The following MYO1D variants were observed in gnomAD, a reference collection of about 807,000 sequenced individuals.
The protein encoded by MYO1D is unconventional myosin-Id.
In MYO1D, 83 loss-of-function variants were observed where a neutral mutation model predicts 122.0. The ratio of observed to expected loss-of-function variants is 0.68; its 90% confidence interval spans 0.57 to 0.82. The LOEUF is 0.82. MYO1D is among the 40% of genes least tolerant of loss of function. MYO1D has a pLI of 0.00. For synonymous variants in MYO1D, 464 were observed against 446.9 expected (o/e 1.04, Z -0.48); for missense variants, 1,157 against 1,269.5 (o/e 0.91, Z 1.35).
chr17:32,596,221 G>A (rs1036257667), intron 21 of MYO1D, among the ~76,000 whole-genome samples: 1 of 152,174 alleles, frequency 6.6e-6, no homozygotes, highest in Non-Finnish European at 1.5e-5. Flanking sequence ...TTTTGCTTAT[G>A]GAATATAAAC....
At chr17:32,619,797 T>C (rs2150924644) in intron 20 of MYO1D, among the ~76,000 whole-genome samples, 1 of 152,316 alleles carries the variant, frequency 6.6e-6, no homozygotes, top group Non-Finnish European at 1.5e-5. Flanking sequence ...AGTCTTTAAT[T>C]GAATTTTTTT....
Position 32,624,352 on chromosome 17 carries a change from G to A in MYO1D, c.2709+14370C>T, listed in dbSNP as rs112430849. ...TAGGTGTTAACCATTGCGCCCGGCC[G>A]GCCTGGGGAGCTTTAATGCTTGCTG... is the stretch of plus-strand genomic sequence containing the variant. On this transcript the variant is annotated intron_variant, in intron 20 of 21. Transcript: ENST00000318217. Among the ~76,000 whole-genome samples the A allele has an allele frequency of 8.8e-4, 134 of 151,596 alleles. 1 individual carries two copies. Among genetic ancestry groups the A allele is most frequent in the African/African-American group, 2.8e-3 (116 of 41,304 alleles).
At chr17:32,748,848 T>C in intron 12 of MYO1D, 88 bp downstream of exon 12, 3 of 1,252,764 alleles carry the variant, frequency 2.4e-6, no homozygotes, top group Non-Finnish European at 3.5e-6. Flanking sequence ...TGCAAATGAA[T>C]ATAAAACCAA....
Position 32,659,224 on chromosome 17 carries a change from G to A in MYO1D, c.2236C>T (p.Arg746Cys), listed in dbSNP as rs2088519562. The A allele has an allele frequency of 1.9e-6, 3 of 1,614,084 alleles. No homozygotes were observed. Among genetic ancestry groups the A allele is most frequent in the Middle Eastern group, 1.6e-4 (1 of 6,084 alleles). Residue 746 changes from arginine to cysteine, a missense_variant, in exon 17 of 22, where the codon CGC becomes TGC. Physicochemically the swap from Arg to Cys is radical, Grantham distance 180. Coordinates refer to ENST00000318217, the MANE Select transcript of MYO1D (RefSeq NM_015194.3). ...VKSYIHEVAR[R>C]FHGVKTMRDY... is the part of the protein sequence containing the mutation. The stretch of plus-strand genomic sequence containing the variant: ...CGCATGGTCTTGACGCCATGGAAGC[G>A]TCTGGCCACCTCGTGGATGTACGAC...
At position 32,579,750 on chromosome 17, in the gene MYO1D, A is replaced by C. The variant is rs186439743; in HGVS notation, c.2864+25337T>G. 2.4e-3 allele frequency among the ~76,000 whole-genome samples: 368 copies of C among 152,302 alleles called. 1 individual carries two copies. The highest frequency in any genetic ancestry group is 8.1e-3 in the South Asian group (39 of 4,824). On this transcript the variant is annotated intron_variant, in intron 21 of 21. Coordinates refer to ENST00000318217, the MANE Select transcript of MYO1D (RefSeq NM_015194.3). The stretch of plus-strand genomic sequence containing the variant: ...TTCTAGAGTTGTATATAAATGGATA[A>C]ACTTTTCAGGTTGGCTTCTTTCACC...
rs183178974 is a variant in MYO1D, at chr17:32,695,228, G to A, written c.2121+16760C>T. On this transcript the variant is annotated intron_variant, in intron 16 of 21. Coordinates refer to ENST00000318217, the MANE Select transcript of MYO1D (RefSeq NM_015194.3). ...CAGGCATTAGATTCTCATAAAGAGC[G>A]CACAGCCTAGATCCCTTGCATGCGC... is the stretch of plus-strand genomic sequence containing the variant. Among the ~76,000 whole-genome samples, 19 of 152,288 alleles carry A rather than the reference G, an allele frequency of 1.2e-4. No homozygotes were observed. The East Asian group carries it at 2.5e-3, about 20-fold the overall frequency.
At chr17:32,697,478 G>T (rs928642721) in intron 16 of MYO1D, among the ~76,000 whole-genome samples, 1 of 152,046 alleles carries the variant, frequency 6.6e-6, no homozygotes, top group African/African-American at 2.4e-5. Flanking sequence ...ACTAGCATTG[G>T]GGGCAACCTC....
At chr17:32,752,686 T>C (rs761835263) in intron 11 of MYO1D, among the ~76,000 whole-genome samples, 14 of 152,210 alleles carry the variant, frequency 9.2e-5, no homozygotes, top group South Asian at 4.1e-4. Context: ...ACATCACTAA[T>C]CATCAGAGAA....
intron 10 of MYO1D, chr17:32,756,082 G>C (rs981098688): frequency 4.3e-5 from 9 of 208,322 alleles, no homozygotes; most frequent in African/African-American, 2.1e-4. Context: ...TCATAATAAA[G>C]TTAAGGTACT....
At chr17:32,653,796 G>C (rs773377962) in intron 19 of MYO1D, 47 bp downstream of exon 19, 3 of 1,509,926 alleles carry the variant, frequency 2.0e-6, no homozygotes, top group East Asian at 4.5e-5. Flanking sequence ...AGTTTCATCT[G>C]AATCAGTCTT....
At chr17:32,831,289 G>A (rs1353750224) in intron 1 of MYO1D, among the ~76,000 whole-genome samples, 1 of 152,190 alleles carries the variant, frequency 6.6e-6, no homozygotes, top group Admixed American at 6.5e-5. Context: ...GGAGGAGAAA[G>A]AAACAGCTTT....
chr17:32,811,454 G>A (rs2090571163), intron 1 of MYO1D, among the ~76,000 whole-genome samples: 1 of 152,154 alleles, frequency 6.6e-6, no homozygotes, highest in African/African-American at 2.4e-5. Context: ...CTTGGTCTGA[G>A]TTGATTTTCT....
At chr17:32,651,716 AC>A (rs1385644190) in intron 19 of MYO1D, among the ~76,000 whole-genome samples, 1 of 125,616 alleles carries the variant, frequency 8.0e-6, no homozygotes. Flanking sequence ...TTGTTCTGTC[AC>A]CCAGCTGGAG....
chr17:32,698,809 T>A (rs1331242605), intron 16 of MYO1D, among the ~76,000 whole-genome samples: 1 of 152,102 alleles, frequency 6.6e-6, no homozygotes, highest in African/African-American at 2.4e-5. Context: ...AGATCTTTCT[T>A]GTGATAAGGG....
chr17:32,526,116 T>C (rs1356455039), intron 21 of MYO1D, among the ~76,000 whole-genome samples: 1 of 152,216 alleles, frequency 6.6e-6, no homozygotes, highest in East Asian at 1.9e-4. Context: ...CTTTGACGTA[T>C]ATCCCCTATT....
At chr17:32,621,048 T>C (rs1006528828) in intron 20 of MYO1D, among the ~76,000 whole-genome samples, 5 of 152,190 alleles carry the variant, frequency 3.3e-5, no homozygotes, top group African/African-American at 1.2e-4. Context: ...TCATTTATGT[T>C]TCCTATAAAT....
chr17:32,766,810 C>CAAA (rs2090063902), intron 7 of MYO1D, among the ~76,000 whole-genome samples: 2 of 20,398 alleles, frequency 9.8e-5, no homozygotes, highest in South Asian at 2.3e-3. Flanking sequence ...AACAAAACAA[C>CAAA]AAAAAATAAA....
chr17:32,671,226 T>C (rs776122172), intron 16 of MYO1D, among the ~76,000 whole-genome samples: 1 of 152,254 alleles, frequency 6.6e-6, no homozygotes, highest in Admixed American at 6.5e-5. Flanking sequence ...GTAATATGCC[T>C]GGTTTGGTCA....
chr17:32,855,184 T>G (rs9904988), intron 1 of MYO1D, among the ~76,000 whole-genome samples: 5,259 of 152,272 alleles, frequency 0.035, 304 homozygotes, highest in African/African-American at 0.12. Flanking sequence ...GGACTCCTTG[T>G]GGCCTTTTTT....
Sources: gnomAD v4.1 joint callset for allele counts (sites outside exome capture counted in the v4.1 genomes callset) on GRCh38, gnomAD v4.1.1 for gene constraint, MANE v1.5 for transcripts, NCBI Gene and HGNC (gene_info 2026-07-23, HGNC 2026-07-21) for gene names.